The following NKAIN2 variants were observed in gnomAD, a reference collection of about 807,000 sequenced individuals.
NKAIN2 encodes sodium/potassium-transporting ATPase subunit beta-1-interacting protein 2.
NKAIN2 carries 14 observed loss-of-function variants against 32.6 expected under a neutral mutation model. That is an observed-to-expected ratio of 0.43 (90% CI 0.28 to 0.67). The LOEUF is 0.67. Ranked by LOEUF, NKAIN2 falls within the 30% of genes least tolerant of loss-of-function variation. NKAIN2 has a pLI of 0.17. For missense variants in NKAIN2, 198 were observed against 258.3 expected, an observed-to-expected ratio of 0.77 and a Z score of 1.60; for synonymous variants, 80 against 87.2, an observed-to-expected ratio of 0.92 and a Z score of 0.46.
At chr6:124,757,686 G>T (rs953575664) in intron 4 of NKAIN2, among the ~76,000 whole-genome samples, 10 of 152,128 alleles carry the variant, frequency 6.6e-5, no homozygotes, top group Non-Finnish European at 1.3e-4. Flanking sequence ...AAAGATAATT[G>T]TCCCAGTGGG....
intron 1 of NKAIN2, among the ~76,000 whole-genome samples, chr6:123,850,835 C>T (rs927194955): frequency 4.6e-5 from 7 of 152,134 alleles, no homozygotes; most frequent in East Asian, 1.9e-4. Flanking sequence ...ACTTAGTCCT[C>T]ATAATGAAAT....
Position 124,451,110 on chromosome 6 carries a change from T to G in NKAIN2, c.273+95763T>G, listed in dbSNP as rs149318979. On this transcript the variant is annotated intron_variant, in intron 3 of 6. Coordinates refer to ENST00000368417, the MANE Select transcript of NKAIN2 (RefSeq NM_001040214.3). ...CTGTAAAGTAATTTTATCATGATTA[T>G]TCTAGGTCCCTCCACCTGAAATCAC... is the stretch of plus-strand genomic sequence containing the variant. Among the ~76,000 whole-genome samples the G allele has an allele frequency of 4.4e-3, 666 of 152,268 alleles. 10 individuals carry two copies. The highest frequency in any genetic ancestry group is 0.015 in the African/African-American group (641 of 41,576).
At chr6:124,645,357 A>G (rs1784131720) in intron 3 of NKAIN2, among the ~76,000 whole-genome samples, 1 of 152,218 alleles carries the variant, frequency 6.6e-6, no homozygotes, top group Non-Finnish European at 1.5e-5. Context: ...AATGGTCTCC[A>G]CATCAGGCTT....
In NKAIN2 at chr6:124,508,375, C is replaced by T. The variant is rs567552994; in HGVS notation, c.274-149811C>T. 8.6e-5 allele frequency among the ~76,000 whole-genome samples: 13 copies of T among 151,182 alleles called. No homozygotes were observed. In the South Asian group the frequency reaches 1.5e-3, roughly 17 times the overall value. On this transcript the variant is annotated intron_variant, in intron 3 of 6. Coordinates refer to ENST00000368417, the MANE Select transcript of NKAIN2 (RefSeq NM_001040214.3). ...TCTTTTCTTTTTTGAGATGGAGTCT[C>T]GCTCTGTCACCCAGGCTGGAGTGCA...
chr6:124,324,434 A>G (rs1443842089), intron 2 of NKAIN2, among the ~76,000 whole-genome samples: 1 of 152,148 alleles, frequency 6.6e-6, no homozygotes, highest in African/African-American at 2.4e-5. Context: ...AAATATAATG[A>G]TGTCATAGTC....
chr6:124,220,039 G>A (rs1791727939), intron 1 of NKAIN2, among the ~76,000 whole-genome samples: 1 of 151,994 alleles, frequency 6.6e-6, no homozygotes, highest in South Asian at 2.1e-4. Flanking sequence ...GATATGATTA[G>A]GCTTTGTGTC....
intron 3 of NKAIN2, among the ~76,000 whole-genome samples, chr6:124,371,718 A>G (rs1295393884): frequency 2.0e-5 from 3 of 150,874 alleles, no homozygotes; most frequent in African/African-American, 2.4e-5. Context: ...AAAAAGAAAG[A>G]AAGGAAAAAA....
intron 1 of NKAIN2, among the ~76,000 whole-genome samples, chr6:123,997,780 T>G (rs555820526): frequency 3.3e-5 from 5 of 151,844 alleles, no homozygotes; most frequent in Non-Finnish European, 5.9e-5. Context: ...ATTTTTTGTA[T>G]TTTTAGTAGA....
chr6:124,297,929 C>A (rs1796130202), intron 2 of NKAIN2, among the ~76,000 whole-genome samples: 1 of 152,096 alleles, frequency 6.6e-6, no homozygotes, highest in Admixed American at 6.6e-5. Context: ...TGCTTTTATA[C>A]AAGTCAGATA....
chr6:124,205,342 C>G (rs1790811511), intron 1 of NKAIN2, among the ~76,000 whole-genome samples: 1 of 136,532 alleles, frequency 7.3e-6, no homozygotes, highest in Non-Finnish European at 1.6e-5. Context: ...CTCTGGGTTA[C>G]TCTGCATTTT....
intron 1 of NKAIN2, among the ~76,000 whole-genome samples, chr6:123,863,674 C>T (rs938552879): frequency 6.6e-6 from 1 of 152,164 alleles, no homozygotes; most frequent in Non-Finnish European, 1.5e-5. Context: ...TGGTGCCTTC[C>T]ATACTAAAGT....
chr6:124,547,301 T>G (rs778841042), intron 3 of NKAIN2, among the ~76,000 whole-genome samples: 2 of 152,196 alleles, frequency 1.3e-5, no homozygotes, highest in Non-Finnish European at 2.9e-5. Context: ...TTTGCTAAAA[T>G]TCTTGATTTA....
At chr6:123,895,087 C>T (rs1774208096) in intron 1 of NKAIN2, among the ~76,000 whole-genome samples, 1 of 151,520 alleles carries the variant, frequency 6.6e-6, no homozygotes, top group South Asian at 2.1e-4. Flanking sequence ...CTTTCCTGCC[C>T]CTCTGTCCTA....
intron 3 of NKAIN2, among the ~76,000 whole-genome samples, chr6:124,609,066 T>A (rs1782598315): frequency 1.3e-5 from 2 of 152,282 alleles, no homozygotes; most frequent in South Asian, 2.1e-4. Context: ...TCAGTGTCCA[T>A]GAACATAGGA....
chr6:124,051,539 A>AG (rs1782398646), intron 1 of NKAIN2, among the ~76,000 whole-genome samples: 1 of 151,916 alleles, frequency 6.6e-6, no homozygotes, highest in East Asian at 1.9e-4. Context: ...CTCGTCATTT[A>AG]CATTAGGTAT....
At chr6:123,825,891 T>A (rs922557685) in intron 1 of NKAIN2, among the ~76,000 whole-genome samples, 1 of 152,148 alleles carries the variant, frequency 6.6e-6, no homozygotes, top group African/African-American at 2.4e-5. Flanking sequence ...AAATGGTAAC[T>A]CAAATCAGTC....
In NKAIN2 at chr6:124,494,392, C is replaced by A. The variant is rs573653273; in HGVS notation, c.273+139045C>A. Reference sequence around the variant, plus strand: ...CACAAAAAAGCCCTTTAAAGATAAGCGGCAGTATTTCAAATATAAGGAGAT... The same window carrying A: ...CACAAAAAAGCCCTTTAAAGATAAGAGGCAGTATTTCAAATATAAGGAGAT... On this transcript the variant is annotated intron_variant, in intron 3 of 6. Coordinates refer to ENST00000368417, the MANE Select transcript of NKAIN2 (RefSeq NM_001040214.3). Among the ~76,000 whole-genome samples, 15 of 152,072 alleles carry A rather than the reference C, an allele frequency of 9.9e-5. No homozygotes were observed. In the South Asian group the frequency reaches 2.1e-3, roughly 21 times the overall value.
chr6:124,135,798 A>G (rs1786750988), intron 1 of NKAIN2, among the ~76,000 whole-genome samples: 1 of 152,174 alleles, frequency 6.6e-6, no homozygotes, highest in Non-Finnish European at 1.5e-5. Flanking sequence ...CAACAGTGAA[A>G]TCAAGATGGA....
chr6:124,446,632 C>A (rs1400453156), intron 3 of NKAIN2, among the ~76,000 whole-genome samples: 1 of 152,080 alleles, frequency 6.6e-6, no homozygotes, highest in East Asian at 1.9e-4. Context: ...CATCAGCCGT[C>A]ACACCTGACA....
Sources: gnomAD v4.1 joint callset for allele counts (sites outside exome capture counted in the v4.1 genomes callset) on GRCh38, gnomAD v4.1.1 for gene constraint, MANE v1.5 for transcripts, NCBI Gene and HGNC (gene_info 2026-07-23, HGNC 2026-07-21) for gene names.